Variants in GABRA5 observed in about 807,000 individuals in gnomAD.
The protein encoded by GABRA5 is gamma-aminobutyric acid type A receptor subunit alpha5.
In GABRA5, 18 loss-of-function variants were observed where a neutral mutation model predicts 47.3. The ratio of observed to expected loss-of-function variants is 0.38; its 90% CI spans 0.26 to 0.56. GABRA5 has a LOEUF of 0.56. Ranked by LOEUF, GABRA5 falls within the 20% of genes least tolerant of loss-of-function variation. GABRA5 has a pLI of 0.71. For missense variants in GABRA5, 365 were observed against 599.3 expected (o/e 0.61, Z 4.08); for synonymous variants, 237 against 229.3 (o/e 1.03, Z -0.30).
chr15:26,873,666 AT>A (rs2140244519), intron 3 of GABRA5, among the ~76,000 whole-genome samples: 1 of 152,322 alleles, frequency 6.6e-6, no homozygotes, highest in Admixed American at 6.5e-5. Flanking sequence ...GCAGGTACTC[AT>A]GATATCTTTT....
intron 4 of GABRA5, among the ~76,000 whole-genome samples, chr15:26,881,861 A>C (rs1381779805): frequency 2.6e-5 from 4 of 152,026 alleles, no homozygotes; most frequent in African/African-American, 9.7e-5. Context: ...CACCATGCCC[A>C]GCTAATTTTT....
chr15:26,870,112 C>T (rs1892427538), intron 3 of GABRA5, among the ~76,000 whole-genome samples: 1 of 152,172 alleles, frequency 6.6e-6, no homozygotes, highest in Non-Finnish European at 1.5e-5. Context: ...AATTAAATGT[C>T]AGGACAAAAG....
intron 7 of GABRA5, among the ~76,000 whole-genome samples, chr15:26,931,847 G>C (rs1465547507): frequency 3.3e-5 from 5 of 152,182 alleles, no homozygotes; most frequent in African/African-American, 1.2e-4. Flanking sequence ...CTGGGGAAGT[G>C]ACAGGATAGC....
In GABRA5 at chr15:26,869,312, A is replaced by T. The variant is rs762916702; in HGVS notation, c.64A>T (p.Met22Leu). 1.2e-6 allele frequency: 2 copies of T among 1,605,914 alleles called. No homozygotes were observed. The highest frequency in any genetic ancestry group is 2.7e-5 in the African/African-American group (2 of 74,684). ...IKNLLLFCIS[M>L]NLSSHFGFSQ... is the part of the protein sequence containing the mutation. Reference sequence around the variant, plus strand: ...AAACCTCCTTCTCTTTTGTATTTCCATGAACTTATCCAGTCACTTTGGGTA... The same window carrying T: ...AAACCTCCTTCTCTTTTGTATTTCCTTGAACTTATCCAGTCACTTTGGGTA... Residue 22 changes from methionine (M) to leucine (L), a missense_variant, in exon 3 of 11, where the codon ATG becomes TTG. This residue lies in a region of GABRA5 where 216 missense variants were observed against 335.3 expected (regional missense o/e 0.64). Coordinates refer to ENST00000335625, the MANE Select transcript of GABRA5 (RefSeq NM_000810.4).
intron 10 of GABRA5, among the ~76,000 whole-genome samples, chr15:26,946,436 T>G (rs1034498914): frequency 1.9e-4 from 26 of 136,052 alleles, no homozygotes; most frequent in Admixed American, 7.5e-5. Flanking sequence ...TTTATCTGTT[T>G]TTTTTTTTTT....
At chr15:26,918,266 T>C (rs1893763288) in intron 7 of GABRA5, among the ~76,000 whole-genome samples, 1 of 152,156 alleles carries the variant, frequency 6.6e-6, no homozygotes, top group South Asian at 2.1e-4. Flanking sequence ...GGCCCATTGG[T>C]TGTACAAATG....
intron 8 of GABRA5, among the ~76,000 whole-genome samples, 186 bp from the exon 9 acceptor site, chr15:26,939,739 A>G (rs557308573): frequency 6.6e-6 from 1 of 152,150 alleles, no homozygotes; most frequent in South Asian, 2.1e-4. Context: ...GGGTCATAAG[A>G]CTTACTTATA....
rs186219798 is a variant in GABRA5 at position 26,900,870 on chromosome 15, C to T, written c.498-13933C>T. Among the ~76,000 whole-genome samples, 413 of 152,232 alleles carry T rather than the reference C, an allele frequency of 2.7e-3. 3 individuals are homozygous for T. Among genetic ancestry groups the T allele is most frequent in the African/African-American group, 9.6e-3 (398 of 41,552 alleles). On this transcript the variant is annotated intron_variant, in intron 6 of 10. Coordinates refer to ENST00000335625, the MANE Select transcript of GABRA5 (RefSeq NM_000810.4). Reference sequence around the variant, plus strand: ...GCTCTGCTTAATTTTATCCCTCTCTCCCCTGAACCCCTGACAACTACTGAC... The same window carrying T: ...GCTCTGCTTAATTTTATCCCTCTCTTCCCTGAACCCCTGACAACTACTGAC...
chr15:26,926,179 A>G (rs1241332575), intron 7 of GABRA5, among the ~76,000 whole-genome samples: 1 of 151,980 alleles, frequency 6.6e-6, no homozygotes, highest in Admixed American at 6.5e-5. Context: ...TTTCCTCTAA[A>G]TGGCAACTCC....
intron 7 of GABRA5, among the ~76,000 whole-genome samples, chr15:26,924,206 C>T (rs1466546555): frequency 2.2e-5 from 3 of 138,992 alleles, no homozygotes; most frequent in Non-Finnish European, 4.5e-5. Context: ...AGGTGTGGTA[C>T]AGCCTCGTTA....
chr15:26,877,767 A>G (rs1299483844), intron 3 of GABRA5: 1 of 428,604 alleles, frequency 2.3e-6, no homozygotes, highest in Non-Finnish European at 4.6e-6. Flanking sequence ...GAGAATATGC[A>G]TTCAATATAA....
chr15:26,889,101 A>G (rs1255306471), intron 6 of GABRA5, among the ~76,000 whole-genome samples: 2 of 152,228 alleles, frequency 1.3e-5, no homozygotes. Context: ...CGTGCACTGA[A>G]TACCGCTCTG....
chr15:26,873,559 G>A (rs769886954), intron 3 of GABRA5, among the ~76,000 whole-genome samples: 11 of 152,196 alleles, frequency 7.2e-5, no homozygotes, highest in Non-Finnish European at 1.3e-4. Context: ...GTGTGCCAGT[G>A]TGGACGTTTG....
intron 7 of GABRA5, among the ~76,000 whole-genome samples, chr15:26,930,156 G>A (rs1384312906): frequency 3.3e-5 from 5 of 151,706 alleles, no homozygotes; most frequent in Non-Finnish European, 7.4e-5. Context: ...GGGATTACAG[G>A]TGCCCGCCAC....
chr15:26,936,487 G>A (rs1176990524), intron 7 of GABRA5, among the ~76,000 whole-genome samples: 2 of 152,176 alleles, frequency 1.3e-5, no homozygotes, highest in African/African-American at 4.8e-5. Context: ...CTGTTTTTAA[G>A]GAGGCAAGTG....
At position 26,883,601 on chromosome 15, in the gene GABRA5, G is replaced by A. The variant is rs1436138825; in HGVS notation, c.497+44G>A. On this transcript the variant is annotated intron_variant, in intron 6 of 10. Transcript: ENST00000335625. The surrounding 1 kb of genome is among the most constrained non-coding windows in gnomAD (Gnocchi z 4.8). ...CGGGCGGGGCCGGGGGACGGTGCGG[G>A]GCAGGCGCGGCTGCCCATCCTGCCG... is the stretch of plus-strand genomic sequence containing the variant. The A allele has an allele frequency of 4.2e-6, 6 of 1,416,266 alleles. No individual in the cohort carries two copies. Among genetic ancestry groups the A allele is most frequent in the Non-Finnish European group, 4.7e-6 (5 of 1,055,816 alleles). The allele number at this position is 1,416,266 out of a possible 1,614,324, so 87.7% of individuals were successfully genotyped here.
intron 6 of GABRA5, among the ~76,000 whole-genome samples, chr15:26,891,457 A>G (rs2140266949): frequency 6.6e-6 from 1 of 152,270 alleles, no homozygotes; most frequent in East Asian, 1.9e-4. Flanking sequence ...ATTTGCATAG[A>G]TAGAATATAT....
At chr15:26,936,054 G>A (rs1304220623) in intron 7 of GABRA5, among the ~76,000 whole-genome samples, 1 of 152,160 alleles carries the variant, frequency 6.6e-6, no homozygotes, top group African/African-American at 2.4e-5. Flanking sequence ...TCACGTGATA[G>A]TGAGTGAGTC....
intron 6 of GABRA5, among the ~76,000 whole-genome samples, chr15:26,911,778 C>T (rs1893600448): frequency 6.6e-6 from 1 of 152,174 alleles, no homozygotes; most frequent in Non-Finnish European, 1.5e-5. Flanking sequence ...AACTCGGACT[C>T]TCCAAGTTGT....
Sources: allele counts gnomAD v4.1 joint callset (sites outside exome capture counted in the v4.1 genomes callset), GRCh38; gene constraint gnomAD v4.1.1; regional missense constraint gnomAD v4.1.1; non-coding constraint Gnocchi (gnomAD v3.1); transcripts MANE v1.5; gene names NCBI Gene and HGNC (gene_info 2026-07-23, HGNC 2026-07-21).